Variants in HNRNPA2B1 observed in about 807,000 individuals in gnomAD.
The protein encoded by HNRNPA2B1 is heterogeneous nuclear ribonucleoproteins A2/B1.
A neutral mutation model predicts 46.3 loss-of-function variants in HNRNPA2B1; 3 were observed. The ratio of observed to expected loss-of-function variants is 0.06; its 90% confidence interval spans 0.03 to 0.17. The LOEUF (loss-of-function observed/expected upper bound fraction) is 0.17, where lower values mean the gene tolerates loss of function less well. HNRNPA2B1 is among the 10% of genes least tolerant of loss of function. The pLI is 1.00. For synonymous variants in HNRNPA2B1, 225 were observed against 133.8 expected, an observed-to-expected ratio of 1.68 and a Z score of -4.70; for missense variants, 221 against 418.9, an observed-to-expected ratio of 0.53 and a Z score of 4.12.
At chr7:26,197,970 A>G in intron 1 of HNRNPA2B1, 1 of 647,366 alleles carries the variant, frequency 1.5e-6, no homozygotes, top group Non-Finnish European at 2.6e-6. Context: ...CACAAGTTTC[A>G]AAGTCATTAA....
rs755161953 is a variant in HNRNPA2B1, at chr7:26,192,596, C to CG, written c.965-20_965-19insC. ...TAGTTTCCTATAATTGTTGGAACAG[C>CG]AAGAGAAAACAAACTTACTTTGATT... is the stretch of plus-strand genomic sequence containing the variant. On this transcript the variant is annotated intron_variant, in intron 9 of 10. Transcript: ENST00000618183. 12 of 1,604,902 alleles carry CG rather than the reference C, an allele frequency of 7.5e-6. No individual in the cohort carries two copies. The highest frequency in any genetic ancestry group is 9.4e-6 in the Non-Finnish European group (11 of 1,171,598).
chr7:26,189,999 T>A lies in HNRNPA2B1; in HGVS notation c.*2361A>T, dbSNP rs565438454. On this transcript the variant is annotated 3_prime_UTR_variant, in exon 11 of 11. Coordinates refer to ENST00000618183, the MANE Select transcript of HNRNPA2B1 (RefSeq NM_002137.4). ...CACAATGCTCTTCTCATTTACCTGT[T>A]AATATTAAAATATGCATAGCTTTGT... The A allele has an allele frequency of 6.6e-5, 10 of 152,432 alleles. No homozygotes were observed. The East Asian group carries it at 1.9e-3, about 29-fold the overall frequency. The allele number at this position is 152,432 out of a possible 1,614,324, so 9.4% of individuals were successfully genotyped here.
chr7:26,195,966 A>G (rs1387991434), intron 6 of HNRNPA2B1, 57 bp from the exon 7 acceptor site: 10 of 1,542,196 alleles, frequency 6.5e-6, no homozygotes, highest in Admixed American at 4.6e-5. Context: ...ATTATTGCTA[A>G]TATTCATTTT....
In HNRNPA2B1 at chr7:26,197,497, T is replaced by A. The variant is rs1241764985; in HGVS notation, c.118-36A>T. ...AAAGGGTAAACTTTAGCATTTAATCTCATTATAGCTTATAAGTGAAGTCAT... is the reference window on the plus strand; with the variant it reads ...AAAGGGTAAACTTTAGCATTTAATCACATTATAGCTTATAAGTGAAGTCAT... On this transcript the variant is annotated intron_variant, in intron 2 of 10. Transcript: ENST00000618183. 1 of 1,600,416 alleles carries A rather than the reference T, an allele frequency of 6.2e-7. No individual in the cohort carries two copies. Among genetic ancestry groups the A allele is most frequent in the Admixed American group, 1.7e-5 (1 of 58,298 alleles).
In HNRNPA2B1 at chr7:26,200,604, T is replaced by A. The variant is rs778834492; in HGVS notation, c.-27A>T. 16 of 1,613,476 alleles carry A rather than the reference T, an allele frequency of 9.9e-6. No homozygotes were observed. Among genetic ancestry groups the A allele is most frequent in the African/African-American group, 2.7e-5 (2 of 74,930 alleles). On this transcript the variant is annotated 5_prime_UTR_variant, in exon 1 of 11. Coordinates refer to ENST00000618183, the MANE Select transcript of HNRNPA2B1 (RefSeq NM_002137.4). ...GCGGACTCAGTCGCTTCAGCCCGAT[T>A]TCCCGCAGCCGAGCGAGATGAGAGA...
chr7:26,193,193 A>C (rs1783109315), intron 9 of HNRNPA2B1, 58 bp downstream of exon 9: 1 of 1,534,112 alleles, frequency 6.5e-7, no homozygotes, highest in Admixed American at 1.8e-5. Flanking sequence ...CCTTTAAGTC[A>C]CAAAAGGCTA....
chr7:26,197,679 G>C lies in HNRNPA2B1; in HGVS notation c.60C>G (p.Thr20=). 5 of 1,613,878 alleles carry C rather than the reference G, an allele frequency of 3.1e-6. No individual in the cohort carries two copies. Among genetic ancestry groups the C allele is most frequent in the Non-Finnish European group, 4.2e-6 (5 of 1,179,924 alleles). The change falls in exon 2 of 11, where the codon ACC becomes ACG. Residue 20 remains threonine, a synonymous_variant. Transcript: ENST00000618183. ...KLFIGGLSFE[T]TEESLRNYYE... is the part of the protein sequence containing the mutation. ...AGTAGTTCCTCAAACTTTCTTCTGTGGTTTCAAAGCTTAAGCCACCAATAA... is the reference window on the plus strand; with the variant it reads ...AGTAGTTCCTCAAACTTTCTTCTGTCGTTTCAAAGCTTAAGCCACCAATAA...
In HNRNPA2B1 at chr7:26,190,106, G is replaced by C. The variant is rs1160362183; in HGVS notation, c.*2254C>G. On this transcript the variant is annotated 3_prime_UTR_variant, in exon 11 of 11. Transcript: ENST00000618183. ...AGAACAAGATTCACACATTTTATGT[G>C]TAAACATTACACCAAGTATTTGGAT... 1 of 152,512 alleles carries C rather than the reference G, an allele frequency of 6.6e-6. No individual in the cohort carries two copies. The highest frequency in any genetic ancestry group is 1.5e-5 in the Non-Finnish European group (1 of 68,000). 9.4% of individuals were successfully genotyped at this position (152,512 alleles called of 1,614,324 possible). A position where few individuals can be genotyped will look rare whatever the true frequency, so the allele number is the denominator to read the frequency against.
intron 7 of HNRNPA2B1, among the ~76,000 whole-genome samples, chr7:26,194,970 G>A (rs985340812): frequency 5.3e-5 from 8 of 150,218 alleles, no homozygotes; most frequent in South Asian, 2.1e-4. Context: ...GGTGCACGCC[G>A]GTAATCCCAG....
chr7:26,193,804 G>A, intron 7 of HNRNPA2B1, 110 bp from the exon 8 acceptor site: 1 of 961,280 alleles, frequency 1.0e-6, no homozygotes, highest in Non-Finnish European at 1.6e-6. Context: ...AATATTTAAT[G>A]AAATTCCTCT....
chr7:26,200,381 TGAGG>T (rs1158713159), intron 1 of HNRNPA2B1, 187 bp downstream of exon 1: 1 of 664,698 alleles, frequency 1.5e-6, no homozygotes, highest in African/African-American at 1.8e-5. Flanking sequence ...GCCGGGAGGC[TGAGG>T]GTGGGGAAGC....
At chr7:26,195,092 C>CAAAAAAAA (rs11356411) in intron 7 of HNRNPA2B1, among the ~76,000 whole-genome samples, 4 of 51,948 alleles carry the variant, frequency 7.7e-5, no homozygotes, top group Non-Finnish European at 1.4e-4. Flanking sequence ...GGCTCCGTCT[C>CAAAAAAAA]AAAAAAAAAA....
chr7:26,197,963 A>T, intron 1 of HNRNPA2B1: 1 of 684,128 alleles, frequency 1.5e-6, no homozygotes, highest in South Asian at 2.0e-5. Context: ...TGATCTACAC[A>T]AGTTTCAAAG....
chr7:26,200,355 A>G (rs1784280483), intron 1 of HNRNPA2B1: 10 of 614,682 alleles, frequency 1.6e-5, no homozygotes, highest in Non-Finnish European at 2.9e-6. Context: ...CCCCACCCCC[A>G]GTGAAGGGAA....
At chr7:26,193,538 CA>C in intron 8 of HNRNPA2B1, 36 bp downstream of exon 8, 1 of 1,566,916 alleles carries the variant, frequency 6.4e-7, no homozygotes, top group Non-Finnish European at 8.6e-7. Flanking sequence ...ACATTAATTC[CA>C]AATTCCCACA....
chr7:26,195,881 C>A lies in HNRNPA2B1; in HGVS notation c.687G>T (p.Gly229=). ...SDGYGSGRGF[G]DGYNGYGGGP... is the part of the protein sequence containing the mutation. Reference sequence around the variant, plus strand: ...CTCCTCCATACCCATTATAGCCATCCCCAAATCCACGTCCACTGCCATATC... The same window carrying A: ...CTCCTCCATACCCATTATAGCCATCACCAAATCCACGTCCACTGCCATATC... Residue 229 remains glycine, a synonymous_variant, in exon 7 of 11, where the codon GGG becomes GGT. Coordinates refer to ENST00000618183, the MANE Select transcript of HNRNPA2B1 (RefSeq NM_002137.4). The A allele has an allele frequency of 6.2e-7, 1 of 1,609,880 alleles. No individual in the cohort carries two copies. Among genetic ancestry groups the A allele is most frequent in the Non-Finnish European group, 8.5e-7 (1 of 1,178,770 alleles).
chr7:26,193,782 G>A lies in HNRNPA2B1; in HGVS notation c.722-88C>T, dbSNP rs544483738. On this transcript the variant is annotated intron_variant, in intron 7 of 10. Transcript: ENST00000618183. Reference sequence around the variant, plus strand: ...CTCACATCCATTTCCAGCTTTCCAAGTTTCCATGTGAAATATTTAATGAAA... The same window carrying A: ...CTCACATCCATTTCCAGCTTTCCAAATTTCCATGTGAAATATTTAATGAAA... 12 of 1,099,284 alleles carry A rather than the reference G, an allele frequency of 1.1e-5. No individual in the cohort carries two copies. The African/African-American group carries it at 1.5e-4, about 13-fold the overall frequency. 68.1% of individuals were successfully genotyped at this position (1,099,284 alleles called of 1,614,324 possible).
At position 26,200,697 on chromosome 7, in the gene HNRNPA2B1, A is replaced by C; in HGVS notation, c.-120T>G. 1 of 1,295,054 alleles carries C rather than the reference A, an allele frequency of 7.7e-7. No homozygotes were observed. Among genetic ancestry groups the C allele is most frequent in the Non-Finnish European group, 1.1e-6 (1 of 897,380 alleles). The allele number at this position is 1,295,054 out of a possible 1,614,324, so 80.2% of individuals were successfully genotyped here. On this transcript the variant is annotated 5_prime_UTR_variant, in exon 1 of 11. Transcript: ENST00000618183. Reference sequence around the variant, plus strand: ...TAGTGAGAACTGCCGCTGCTCGAGAAACAACTCTGCGAGGAGCACCTCCGC... The same window carrying C: ...TAGTGAGAACTGCCGCTGCTCGAGACACAACTCTGCGAGGAGCACCTCCGC...
rs181705411 is a variant in HNRNPA2B1, at chr7:26,193,241, T to C, written c.964+10A>G. 1.0e-4 allele frequency: 167 copies of C among 1,604,734 alleles called. No individual in the cohort carries two copies. The African/African-American group carries it at 2.0e-3, about 20-fold the overall frequency. On this transcript the variant is annotated intron_variant, in intron 9 of 10. Coordinates refer to ENST00000618183, the MANE Select transcript of HNRNPA2B1 (RefSeq NM_002137.4). The stretch of plus-strand genomic sequence containing the variant: ...CAAAAATCTGAATAACCTCAATTTT[T>C]ATAAATTACCTCCACCATATGGTCC...
Sources: gnomAD v4.1 joint callset for allele counts (sites outside exome capture counted in the v4.1 genomes callset) on GRCh38, gnomAD v4.1.1 for gene constraint, MANE v1.5 for transcripts, NCBI Gene and HGNC (gene_info 2026-07-23, HGNC 2026-07-21) for gene names.